Variants in GRID2 observed in about 807,000 individuals in gnomAD.
GRID2 encodes glutamate receptor ionotropic, delta-2.
A neutral mutation model predicts 114.8 loss-of-function variants in GRID2; 33 were observed. The observed-to-expected ratio is 0.29, with a 90% CI of 0.22 to 0.38. The LOEUF is 0.38. Among genes scored for constraint, GRID2 ranks in the 10% least tolerant of loss-of-function variants. The pLI, the probability that GRID2 is intolerant of heterozygous loss-of-function variation, is 1.00. For synonymous variants in GRID2, 505 were observed against 449.9 expected (o/e 1.12, Z -1.55); for missense variants, 1,184 against 1,257.7 (o/e 0.94, Z 0.89).
Position 93,207,402 on chromosome 4 carries a change from A to T in GRID2, c.736-2A>T. The T allele has an allele frequency of 6.3e-7, 1 of 1,591,956 alleles. No homozygotes were observed. On this transcript the variant is annotated splice_acceptor_variant, in intron 4 of 15. Transcript: ENST00000282020. LOFTEE classifies it high-confidence loss of function. Reference sequence around the variant, plus strand: ...TGATAGCTGATTTGTTTTCTATTCTAGGTTGTGGAGACTAATTTGGTTGCT... The same window carrying T: ...TGATAGCTGATTTGTTTTCTATTCTTGGTTGTGGAGACTAATTTGGTTGCT...
intron 8 of GRID2, among the ~76,000 whole-genome samples, chr4:93,328,745 G>A (rs1758122456): frequency 6.6e-6 from 1 of 150,486 alleles, no homozygotes; most frequent in Admixed American, 6.7e-5. Context: ...ATGGATGGAT[G>A]GATAGACAAA....
At chr4:93,576,350 C>T (rs1023931826) in intron 13 of GRID2, among the ~76,000 whole-genome samples, 2 of 152,172 alleles carry the variant, frequency 1.3e-5, no homozygotes, top group Non-Finnish European at 2.9e-5. Flanking sequence ...CCACTACTCT[C>T]CTCTTCACAT....
chr4:93,382,203 A>G (rs1052460155), intron 8 of GRID2, among the ~76,000 whole-genome samples: 4 of 151,964 alleles, frequency 2.6e-5, no homozygotes, highest in Non-Finnish European at 5.9e-5. Context: ...CATCATTTCA[A>G]AGGTTGATAA....
intron 13 of GRID2, among the ~76,000 whole-genome samples, chr4:93,618,105 C>G (rs1741874376): frequency 6.6e-6 from 1 of 152,196 alleles, no homozygotes; most frequent in Admixed American, 6.5e-5. Flanking sequence ...AATTGTCACC[C>G]TAGCTCTTCC....
At chr4:92,731,287 G>A (rs1024208363) in intron 2 of GRID2, among the ~76,000 whole-genome samples, 39 of 150,470 alleles carry the variant, frequency 2.6e-4, no homozygotes, top group African/African-American at 9.5e-4. Flanking sequence ...CAGCAACTTT[G>A]GGAAAACCTA....
rs565031391 is a variant in GRID2, at chr4:92,829,328, A to G, written c.244+239042A>G. Among the ~76,000 whole-genome samples, 11 of 152,230 alleles carry G rather than the reference A, an allele frequency of 7.2e-5. No individual in the cohort carries two copies. The South Asian group carries it at 2.1e-3, about 29-fold the overall frequency. On this transcript the variant is annotated intron_variant, in intron 2 of 15. Transcript: ENST00000282020. ...AGACATTTATTGGGCCAACACACAT[A>G]TGCAAAAAAGGTCATCATCACTGGT...
chr4:92,637,143 T>C (rs1191278023), intron 2 of GRID2, among the ~76,000 whole-genome samples: 1 of 151,924 alleles, frequency 6.6e-6, no homozygotes, highest in African/African-American at 2.4e-5. Context: ...CATAATGTTT[T>C]TGAATAATTG....
chr4:92,546,223 C>T (rs1297702786), intron 1 of GRID2, among the ~76,000 whole-genome samples: 2 of 152,034 alleles, frequency 1.3e-5, no homozygotes, highest in Admixed American at 1.3e-4. Context: ...TGTGTGTGAT[C>T]ATTATTGTAG....
intron 1 of GRID2, among the ~76,000 whole-genome samples, chr4:92,418,671 G>T (rs1180397848): frequency 6.6e-6 from 1 of 151,960 alleles, no homozygotes. Flanking sequence ...CTAGGTTTCT[G>T]GCTAGCTTAA....
intron 2 of GRID2, among the ~76,000 whole-genome samples, chr4:92,630,519 G>A (rs1730753072): frequency 6.6e-6 from 1 of 152,198 alleles, no homozygotes; most frequent in South Asian, 2.1e-4. Context: ...AACCTGATGT[G>A]TTGTCCTAAG....
chr4:92,868,671 T>C (rs1050430535), intron 2 of GRID2, among the ~76,000 whole-genome samples: 8 of 152,036 alleles, frequency 5.3e-5, no homozygotes, highest in Non-Finnish European at 1.2e-4. Flanking sequence ...GTTTGACATG[T>C]AGATGAAAGA....
intron 2 of GRID2, among the ~76,000 whole-genome samples, chr4:93,083,539 C>CA (rs1730063091): frequency 6.6e-6 from 1 of 151,016 alleles, no homozygotes; most frequent in African/African-American, 2.4e-5. Flanking sequence ...TAAAAACACA[C>CA]AAAAAAATCA....
intron 4 of GRID2, among the ~76,000 whole-genome samples, chr4:93,114,002 G>A (rs1733011491): frequency 6.6e-6 from 1 of 152,046 alleles, no homozygotes; most frequent in Non-Finnish European, 1.5e-5. Context: ...GGTAAATTAT[G>A]GTTTAAAATT....
At chr4:92,830,841 A>G (rs1036265802) in intron 2 of GRID2, among the ~76,000 whole-genome samples, 1 of 152,192 alleles carries the variant, frequency 6.6e-6, no homozygotes, top group Non-Finnish European at 1.5e-5. Context: ...ATTCCATTTA[A>G]GTATCTGGGT....
intron 1 of GRID2, among the ~76,000 whole-genome samples, chr4:92,537,085 C>T (rs1421676301): frequency 6.6e-6 from 1 of 152,146 alleles, no homozygotes; most frequent in African/African-American, 2.4e-5. Context: ...TTACACTCCT[C>T]CTCTTTATAC....
chr4:92,836,219 C>G (rs1371229424), intron 2 of GRID2, among the ~76,000 whole-genome samples: 1 of 152,038 alleles, frequency 6.6e-6, no homozygotes, highest in African/African-American at 2.4e-5. Context: ...TTGTCCTTTA[C>G]AGAAAATGTT....
chr4:93,355,781 C>T (rs1316388466), intron 8 of GRID2, among the ~76,000 whole-genome samples: 1 of 152,002 alleles, frequency 6.6e-6, no homozygotes, highest in Non-Finnish European at 1.5e-5. Context: ...AATATATTTG[C>T]CCTGAAAGTG....
At chr4:92,334,328 T>C (rs1513462) in intron 1 of GRID2, among the ~76,000 whole-genome samples, 28,370 of 152,174 alleles carry the variant, frequency 0.19, 3,913 homozygotes, top group African/African-American at 0.4. Flanking sequence ...GTTCCATTTA[T>C]AGCAATCTGT....
At chr4:92,879,362 G>A (rs1346974998) in intron 2 of GRID2, among the ~76,000 whole-genome samples, 1 of 152,098 alleles carries the variant, frequency 6.6e-6, no homozygotes, top group Non-Finnish European at 1.5e-5. Context: ...ATCAGACTGA[G>A]AAAGGAAAAA....
Sources: allele counts gnomAD v4.1 joint callset (sites outside exome capture counted in the v4.1 genomes callset), GRCh38; gene constraint gnomAD v4.1.1; transcripts MANE v1.5; gene names NCBI Gene and HGNC (gene_info 2026-07-23, HGNC 2026-07-21).